DPP10: variants seen among roughly 807,000 people sequenced by gnomAD.
DPP10 encodes the protein inactive dipeptidyl peptidase 10.
Under a neutral mutation model 120.9 loss-of-function variants are expected in DPP10, and 33 were observed. The observed-to-expected ratio is 0.27, with a 90% CI of 0.21 to 0.37. The LOEUF (loss-of-function observed/expected upper bound fraction) is 0.37. Among genes scored for constraint, DPP10 ranks in the 10% least tolerant of loss-of-function variants. DPP10 has a pLI of 1.00. For missense variants in DPP10, 816 were observed against 942.8 expected, an observed-to-expected ratio of 0.87 and a Z score of 1.76; for synonymous variants, 337 against 326.1, an observed-to-expected ratio of 1.03 and a Z score of -0.36.
At chr2:114,816,706 T>C (rs1313033513) in intron 1 of DPP10, among the ~76,000 whole-genome samples, 1 of 152,182 alleles carries the variant, frequency 6.6e-6, no homozygotes, top group Non-Finnish European at 1.5e-5. Context: ...TGGAAGAAAG[T>C]AGATGGTAGG....
chr2:115,190,167 T>C (rs1431728980), intron 1 of DPP10, among the ~76,000 whole-genome samples: 1 of 152,234 alleles, frequency 6.6e-6, no homozygotes, highest in Non-Finnish European at 1.5e-5. Context: ...TTGGTAGTAA[T>C]AAATGTAATT....
intron 1 of DPP10, among the ~76,000 whole-genome samples, chr2:115,233,281 A>G (rs1201898779): frequency 2.0e-5 from 3 of 151,980 alleles, no homozygotes; most frequent in Non-Finnish European, 4.4e-5. Flanking sequence ...ATATGATAAT[A>G]TCTTATCCAA....
intron 5 of DPP10, among the ~76,000 whole-genome samples, chr2:115,687,362 G>C (rs1178529688): frequency 1.3e-5 from 2 of 151,934 alleles, no homozygotes; most frequent in East Asian, 3.9e-4. Flanking sequence ...AGATCTGCTG[G>C]GAACACACAC....
At chr2:115,210,058 A>G (rs543827716) in intron 1 of DPP10, among the ~76,000 whole-genome samples, 4 of 152,160 alleles carry the variant, frequency 2.6e-5, no homozygotes, top group East Asian at 3.9e-4. Flanking sequence ...TCTAGGGTAC[A>G]TGTACACAAC....
At chr2:114,667,411 A>C (rs1038096478) in intron 1 of DPP10, among the ~76,000 whole-genome samples, 2 of 152,178 alleles carry the variant, frequency 1.3e-5, no homozygotes, top group African/African-American at 4.8e-5. Flanking sequence ...CCTTCTTCTA[A>C]CATGCCTTAA....
chr2:115,083,048 A>G (rs936319806), intron 1 of DPP10, among the ~76,000 whole-genome samples: 2 of 152,202 alleles, frequency 1.3e-5, no homozygotes, highest in Non-Finnish European at 1.5e-5. Flanking sequence ...ATTCGTAAAC[A>G]ATCTATACTC....
At chr2:115,631,359 A>C (rs2085856922) in intron 5 of DPP10, among the ~76,000 whole-genome samples, 1 of 151,958 alleles carries the variant, frequency 6.6e-6, no homozygotes, top group Non-Finnish European at 1.5e-5. Context: ...TTTTTCAAAA[A>C]CAAACTGGAT....
intron 3 of DPP10, among the ~76,000 whole-genome samples, chr2:115,381,184 G>T (rs1025135696): frequency 6.6e-6 from 1 of 152,040 alleles, no homozygotes; most frequent in Non-Finnish European, 1.5e-5. Context: ...TCACTTTCAC[G>T]TACACCAATC....
At chr2:115,161,876 T>G in intron 1 of DPP10, 13 of 1,246,358 alleles carry the variant, frequency 1.0e-5, no homozygotes, top group Non-Finnish European at 1.2e-5. Flanking sequence ...CGGGCGCCCG[T>G]GACCTGCGAA....
intron 1 of DPP10, among the ~76,000 whole-genome samples, chr2:114,720,730 T>C (rs1701651743): frequency 6.6e-6 from 1 of 152,238 alleles, no homozygotes; most frequent in Non-Finnish European, 1.5e-5. Context: ...CTCTACTTTC[T>C]GGACACATGA....
intron 5 of DPP10, chr2:115,580,347 G>A (rs2149124313): frequency 6.6e-6 from 1 of 152,196 alleles, no homozygotes; most frequent in Non-Finnish European, 1.5e-5. Context: ...TATTTATCTG[G>A]AATCAGTTAT....
rs1189584454 is a variant in DPP10 at position 115,403,153 on chromosome 2, G to A, written c.271+59241G>A. Among the ~76,000 whole-genome samples the A allele has an allele frequency of 4.0e-5, 6 of 150,222 alleles. No individual in the cohort carries two copies. In the East Asian group the frequency reaches 5.9e-4, roughly 15 times the overall value. The stretch of plus-strand genomic sequence containing the variant: ...ATGTGATGCACCACTTTAACAAAAT[G>A]AAAAAAAATGAGAAGATGCAGAAAA... On this transcript the variant is annotated intron_variant, in intron 3 of 25. Transcript: ENST00000410059.
chr2:115,841,381 G>A (rs1690129946), intron 25 of DPP10, among the ~76,000 whole-genome samples: 1 of 152,092 alleles, frequency 6.6e-6, no homozygotes, highest in Non-Finnish European at 1.5e-5. Flanking sequence ...CATTACAGTG[G>A]TCACTCTGCT....
chr2:114,632,301 A>G (rs1294005163), intron 1 of DPP10, among the ~76,000 whole-genome samples: 1 of 152,056 alleles, frequency 6.6e-6, no homozygotes, highest in Admixed American at 6.6e-5. Flanking sequence ...TCTGCTCCCG[A>G]ACCATTTCTC....
intron 1 of DPP10, among the ~76,000 whole-genome samples, chr2:114,696,994 C>T (rs1700106480): frequency 6.6e-6 from 1 of 151,924 alleles, no homozygotes; most frequent in African/African-American, 2.4e-5. Flanking sequence ...AAGTATGAAT[C>T]CAGATGTCTG....
At chr2:114,787,890 A>AATTG (rs1682897192) in intron 1 of DPP10, among the ~76,000 whole-genome samples, 1 of 152,246 alleles carries the variant, frequency 6.6e-6, no homozygotes, top group Non-Finnish European at 1.5e-5. Context: ...ATAATAGTTT[A>AATTG]ATTGAGTATA....
intron 1 of DPP10, among the ~76,000 whole-genome samples, chr2:115,059,958 G>A (rs17043946): frequency 0.15 from 22,239 of 151,844 alleles, 1,744 homozygotes; most frequent in African/African-American, 0.21. Flanking sequence ...ATTATTTCCA[G>A]TTTAAAACAT....
chr2:115,520,234 CATGAACCT>C, intron 4 of DPP10, among the ~76,000 whole-genome samples: 1 of 152,128 alleles, frequency 6.6e-6, no homozygotes, highest in Non-Finnish European at 1.5e-5. Context: ...AGGAGAACTG[CATGAACCT>C]GGGAGGCACA....
At chr2:114,462,081 A>G in intron 1 of DPP10, 1 of 985,440 alleles carries the variant, frequency 1.0e-6, no homozygotes, top group Non-Finnish European at 1.2e-6. Context: ...CTTCACCAGG[A>G]TGATCAATGC....
Sources: gnomAD v4.1 joint callset for allele counts (sites outside exome capture counted in the v4.1 genomes callset) on GRCh38, gnomAD v4.1.1 for gene constraint, MANE v1.5 for transcripts, NCBI Gene and HGNC (gene_info 2026-07-23, HGNC 2026-07-21) for gene names.